ADCYAP1: variants seen among roughly 807,000 people sequenced by gnomAD.
ADCYAP1 encodes adenylate cyclase activating polypeptide 1.
Under a neutral mutation model 18.5 loss-of-function variants are expected in ADCYAP1, and 6 were observed. That is an observed-to-expected ratio of 0.32 (90% CI 0.18 to 0.64). ADCYAP1 has a LOEUF of 0.64. Ranked by LOEUF, ADCYAP1 falls within the 30% of genes least tolerant of loss-of-function variation. The pLI, the probability that ADCYAP1 is intolerant of heterozygous loss-of-function variation, is 0.77. For missense variants in ADCYAP1, 314 were observed against 253.6 expected (o/e 1.24, Z -1.62); for synonymous variants, 136 against 113.9 (o/e 1.19, Z -1.24).
chr18:904,740 A>G (rs1450325347), upstream of ADCYAP1: 5 of 1,247,274 alleles, frequency 4.0e-6, no homozygotes, highest in African/African-American at 1.6e-5. Context: ...CTCCGGGTGG[A>G]CTTACGGCCA....
Position 909,554 on chromosome 18 carries a change from C to G in ADCYAP1, c.450C>G (p.Val150=). The G allele has an allele frequency of 6.2e-7, 1 of 1,614,174 alleles. No homozygotes were observed. Among genetic ancestry groups the G allele is most frequent in the Non-Finnish European group, 8.5e-7 (1 of 1,180,022 alleles). The change falls in exon 5 of 5, where the codon GTC becomes GTG. Residue 150 remains valine, a synonymous_variant. Coordinates refer to ENST00000450565, the MANE Select transcript of ADCYAP1 (RefSeq NM_001099733.2). Reference sequence around the variant, plus strand: ...GCCGCTACCGGAAACAAATGGCTGTCAAGAAATACTTGGCGGCCGTCCTAG... The same window carrying G: ...GCCGCTACCGGAAACAAATGGCTGTGAAGAAATACTTGGCGGCCGTCCTAG... ...SYSRYRKQMA[V]KKYLAAVLGK...
chr18:907,452 G>T, intron 2 of ADCYAP1: 1 of 488,592 alleles, frequency 2.0e-6, no homozygotes, highest in Non-Finnish European at 3.5e-6. Context: ...GGGGGGGTGG[G>T]CGGGCCGCCC....
upstream of ADCYAP1, chr18:904,813 C>T (rs781206196): frequency 4.7e-6 from 6 of 1,285,986 alleles, no homozygotes; most frequent in South Asian, 1.2e-5. Flanking sequence ...TCTCTCTGCG[C>T]CCCCTTCTCT....
At chr18:905,582 G>C in intron 2 of ADCYAP1, 86 bp downstream of exon 2, 1 of 1,484,142 alleles carries the variant, frequency 6.7e-7, no homozygotes, top group Non-Finnish European at 9.2e-7. Context: ...GCAGTCCTTT[G>C]GGTCCAGACT....
At chr18:906,914 A>G (rs1909189872) in intron 2 of ADCYAP1, among the ~76,000 whole-genome samples, 4 of 152,132 alleles carry the variant, frequency 2.6e-5, no homozygotes. Context: ...AGCGCGAACT[A>G]TTCGTTTAGT....
intron 2 of ADCYAP1, 100 bp downstream of exon 2, chr18:905,596 A>AAGCTCCGCCTCCCGGGTTCAC: frequency 7.4e-7 from 1 of 1,354,100 alleles, no homozygotes; most frequent in Non-Finnish European, 1.0e-6. Context: ...CCAGACTACT[A>AAGCTCCGCCTCCCGGGTTCAC]GCATCGCCCT....
At position 911,620 on chromosome 18, in the gene ADCYAP1, G is replaced by A. The variant is rs1909391501; in HGVS notation, c.*1985G>A. 6.6e-6 allele frequency: 1 copy of A among 152,192 alleles called. No homozygotes were observed. The highest frequency in any genetic ancestry group is 2.1e-4 in the South Asian group (1 of 4,822). The allele number at this position is 152,192 out of a possible 1,614,324, so 9.4% of individuals were successfully genotyped here. On this transcript the variant is annotated 3_prime_UTR_variant, in exon 5 of 5. Transcript: ENST00000450565. ...GGCATTCGGTCTATGCCTGAGTCCT[G>A]TGTATAGGATCAATCTTCCTTTAAT...
Position 909,346 on chromosome 18 carries a change from C to T in ADCYAP1, c.342-100C>T, listed in dbSNP as rs1032894752. On this transcript the variant is annotated intron_variant, in intron 4 of 4. Transcript: ENST00000450565. Reference sequence around the variant, plus strand: ...TGGGCAGTGCGAGCCCCGGGCCCTCCCCGAAGGCTCCCGCGTGGGGTGGGG... The same window carrying T: ...TGGGCAGTGCGAGCCCCGGGCCCTCTCCGAAGGCTCCCGCGTGGGGTGGGG... The T allele has an allele frequency of 2.3e-5, 28 of 1,244,274 alleles. No individual in the cohort carries two copies. The African/African-American group carries it at 3.7e-4, about 16-fold the overall frequency. 77.1% of individuals were successfully genotyped at this position (1,244,274 alleles called of 1,614,324 possible). A position where few individuals can be genotyped will look rare whatever the true frequency, so the allele number is the denominator to read the frequency against.
In ADCYAP1 at chr18:911,708, C is replaced by T. The variant is rs576574587; in HGVS notation, c.*2073C>T. ...TTTGCAGCTTTAGTGCCTTTCTTCG[C>T]CTTTTAAATTGCCACGAATCACAGA... is the stretch of plus-strand genomic sequence containing the variant. On this transcript the variant is annotated 3_prime_UTR_variant, in exon 5 of 5. Coordinates refer to ENST00000450565, the MANE Select transcript of ADCYAP1 (RefSeq NM_001099733.2). 1.3e-5 allele frequency: 2 copies of T among 152,326 alleles called. No individual in the cohort carries two copies. The highest frequency in any genetic ancestry group is 3.9e-4 in the East Asian group (2 of 5,186). The allele number at this position is 152,326 out of a possible 1,614,324, so 9.4% of individuals were successfully genotyped here.
At chr18:909,375 G>T (rs1909297979) in intron 4 of ADCYAP1, 71 bp from the exon 5 acceptor site, 2 of 1,489,032 alleles carry the variant, frequency 1.3e-6, no homozygotes, top group African/African-American at 1.4e-5. Flanking sequence ...GGTGGGGCCC[G>T]CCTGCTCCCC....
At chr18:904,766 C>G (rs1169235956), upstream of ADCYAP1, 1 of 1,271,270 alleles carries the variant, frequency 7.9e-7, no homozygotes, top group Non-Finnish European at 1.0e-6. Context: ...CTCCTCCGCG[C>G]TTCACCTCAT....
At position 907,734 on chromosome 18, in the gene ADCYAP1, G is replaced by T; in HGVS notation, c.186G>T (p.Gly62=). The T allele has an allele frequency of 6.6e-7, 1 of 1,524,210 alleles. No homozygotes were observed. Among genetic ancestry groups the T allele is most frequent in the East Asian group, 2.5e-5 (1 of 39,686 alleles). The allele number at this position is 1,524,210 out of a possible 1,614,324, so 94.4% of individuals were successfully genotyped here. Residue 62 remains glycine (G), a synonymous_variant, in exon 3 of 5, where the codon GGG becomes GGT. Coordinates refer to ENST00000450565, the MANE Select transcript of ADCYAP1 (RefSeq NM_001099733.2). ...ATGGCTCGGAGCCGCCGGGCGCAGGGAGCCCCGCCTCCGCGCCGCGCGCCG... is the reference window on the plus strand; with the variant it reads ...ATGGCTCGGAGCCGCCGGGCGCAGGTAGCCCCGCCTCCGCGCCGCGCGCCG... The part of the protein sequence containing the change: ...DFDGSEPPGA[G]SPASAPRAAA...
At chr18:907,297 C>G (rs1163968752) in intron 2 of ADCYAP1, among the ~76,000 whole-genome samples, 1 of 152,188 alleles carries the variant, frequency 6.6e-6, no homozygotes, top group African/African-American at 2.4e-5. Flanking sequence ...CGTCCCCGCC[C>G]GTTGCTGCTT....
chr18:907,623 C>A (rs1909219255), intron 2 of ADCYAP1, 36 bp from the exon 3 acceptor site: 4 of 1,571,080 alleles, frequency 2.5e-6, no homozygotes, highest in Non-Finnish European at 3.4e-6. Context: ...GAGGAACTTG[C>A]ACTGACCACA....
upstream of ADCYAP1, chr18:904,615 TCGCGGCTGCCTGGCC>T: frequency 8.0e-7 from 1 of 1,255,138 alleles, no homozygotes; most frequent in South Asian, 1.3e-5. Flanking sequence ...CCGCCGACCC[TCGCGGCTGCCTGGCC>T]CGCGGCTCCT....
chr18:907,049 T>C (rs1174734499), intron 2 of ADCYAP1, among the ~76,000 whole-genome samples: 1 of 152,182 alleles, frequency 6.6e-6, no homozygotes, highest in African/African-American at 2.4e-5. Context: ...CCGAACTGGC[T>C]AAGTTTAGGG....
chr18:905,390 A>T lies in ADCYAP1; in HGVS notation c.4A>T (p.Thr2Ser). The change falls in exon 2 of 5, where the codon ACC becomes TCC. Residue 2 changes from threonine (T) to serine (S), a missense_variant. Physicochemically the swap from Thr to Ser is moderately conservative, Grantham distance 58. Coordinates refer to ENST00000450565, the MANE Select transcript of ADCYAP1 (RefSeq NM_001099733.2). Reference protein sequence around the residue: MTMCSGARLALL... With the variant: MSMCSGARLALL... ...CCTCTTTCCCATCCTGCGCAGAATG[A>T]CCATGTGTAGCGGAGCGAGGCTGGC... 6.2e-7 allele frequency: 1 copy of T among 1,612,996 alleles called. No homozygotes were observed. Among genetic ancestry groups the T allele is most frequent in the Non-Finnish European group, 8.5e-7 (1 of 1,179,980 alleles).
At chr18:908,189 C>A in intron 3 of ADCYAP1, 76 bp from the exon 4 acceptor site, 1 of 1,345,266 alleles carries the variant, frequency 7.4e-7, no homozygotes. Context: ...GGGGCGCGCG[C>A]CCAACAAGGG....
At chr18:907,359 A>G (rs550448123) in intron 2 of ADCYAP1, among the ~76,000 whole-genome samples, 1 of 144,252 alleles carries the variant, frequency 6.9e-6, no homozygotes, top group East Asian at 2.3e-4. Flanking sequence ...TTCCGTAGAC[A>G]GGTGTGCGCG....
Sources: allele counts gnomAD v4.1 joint callset (sites outside exome capture counted in the v4.1 genomes callset), GRCh38; gene constraint gnomAD v4.1.1; transcripts MANE v1.5; gene names NCBI Gene and HGNC (gene_info 2026-07-23, HGNC 2026-07-21).